Variants in ERC2 observed in about 807,000 individuals in gnomAD.
ERC2 encodes the protein ELKS/RAB6-interacting/CAST family member 2.
ERC2 carries 42 observed loss-of-function variants against 114.8 expected under a neutral mutation model. The observed-to-expected ratio is 0.37, with a 90% confidence interval of 0.29 to 0.47. ERC2 has a LOEUF of 0.47. Ranked by LOEUF, ERC2 falls within the 20% of genes least tolerant of loss-of-function variation. The pLI, the probability that ERC2 is intolerant of heterozygous loss-of-function variation, is 0.99. For synonymous variants in ERC2, 454 were observed against 425.5 expected (o/e 1.07, Z -0.82); for missense variants, 939 against 1,150.7 (o/e 0.82, Z 2.66).
intron 7 of ERC2, among the ~76,000 whole-genome samples, chr3:56,061,226 C>A (rs2076230382): frequency 6.6e-6 from 1 of 152,192 alleles, no homozygotes; most frequent in Admixed American, 6.5e-5. Flanking sequence ...GATGTCTGAG[C>A]AAATTAGTGC....
intron 3 of ERC2, among the ~76,000 whole-genome samples, chr3:56,217,072 A>C (rs757490629): frequency 6.6e-6 from 1 of 152,206 alleles, no homozygotes; most frequent in African/African-American, 2.4e-5. Flanking sequence ...TTCCCTTTTA[A>C]AACTGGCACA....
intron 14 of ERC2, among the ~76,000 whole-genome samples, chr3:55,750,505 G>C (rs762356148): frequency 6.6e-6 from 1 of 152,174 alleles, no homozygotes; most frequent in African/African-American, 2.4e-5. Context: ...TTGCAGGAAG[G>C]AAGAAATGTC....
At chr3:55,973,892 T>TA (rs2069366246) in intron 12 of ERC2, among the ~76,000 whole-genome samples, 1 of 152,170 alleles carries the variant, frequency 6.6e-6, no homozygotes, top group South Asian at 2.1e-4. Context: ...AAAAACAGCC[T>TA]AAAAATAGCA....
chr3:55,965,797 C>G (rs2068711403), intron 12 of ERC2, among the ~76,000 whole-genome samples: 2 of 152,200 alleles, frequency 1.3e-5, no homozygotes, highest in South Asian at 4.1e-4. Flanking sequence ...CTTCTCGTAA[C>G]TCAAACCTCT....
Position 56,296,147 on chromosome 3 carries a change from C to T in ERC2, c.946G>A (p.Gly316Ser). The T allele has an allele frequency of 6.2e-7, 1 of 1,614,010 alleles. No individual in the cohort carries two copies. The highest frequency in any genetic ancestry group is 8.5e-7 in the Non-Finnish European group (1 of 1,179,902). The change falls in exon 3 of 18, where the codon GGC becomes AGC. Residue 316 changes from glycine (G) to serine (S), a missense_variant. Coordinates refer to ENST00000288221, the MANE Select transcript of ERC2 (RefSeq NM_015576.3). ...KKLLEMLQSK[G>S]LPSKSLEDDN... ...TCCTCCAGGCTTTTGGATGGCAAGC[C>T]TTTACTTTGCAACATCTCAAGAAGT...
intron 2 of ERC2, among the ~76,000 whole-genome samples, chr3:56,302,064 A>T (rs946775537): frequency 2.6e-5 from 4 of 152,264 alleles, no homozygotes; most frequent in Non-Finnish European, 5.9e-5. Flanking sequence ...GAATAGGAAC[A>T]TTCAGAACTC....
intron 13 of ERC2, among the ~76,000 whole-genome samples, chr3:55,945,583 C>T (rs1283341154): frequency 6.6e-6 from 1 of 152,272 alleles, no homozygotes; most frequent in East Asian, 1.9e-4. Flanking sequence ...TTGTTTGTTA[C>T]ACTTCCTCTG....
intron 17 of ERC2, among the ~76,000 whole-genome samples, chr3:55,591,398 A>C (rs1167594065): frequency 2.0e-5 from 3 of 152,138 alleles, no homozygotes; most frequent in African/African-American, 7.2e-5. Flanking sequence ...ATCCTTGGAC[A>C]TTATGGGTGG....
chr3:56,048,215 G>C (rs913342664), intron 7 of ERC2, among the ~76,000 whole-genome samples: 1 of 152,162 alleles, frequency 6.6e-6, no homozygotes, highest in Admixed American at 6.5e-5. Flanking sequence ...TTAAACTCAG[G>C]AACAGAGGGG....
intron 14 of ERC2, among the ~76,000 whole-genome samples, chr3:55,814,662 G>A (rs1318883576): frequency 6.6e-6 from 1 of 152,208 alleles, no homozygotes; most frequent in African/African-American, 2.4e-5. Context: ...TAAGATATAT[G>A]TGGGGTGGTA....
At chr3:55,959,839 C>T (rs144281923) in intron 12 of ERC2, among the ~76,000 whole-genome samples, 336 of 152,300 alleles carry the variant, frequency 2.2e-3, no homozygotes, top group African/African-American at 7.7e-3. Context: ...CTATATGCTC[C>T]GGATTCCTGG....
At chr3:55,631,565 C>G (rs1267135784) in intron 17 of ERC2, among the ~76,000 whole-genome samples, 1 of 152,218 alleles carries the variant, frequency 6.6e-6, no homozygotes, top group Non-Finnish European at 1.5e-5. Context: ...ACAGTGTACA[C>G]TCAACTAAAC....
intron 17 of ERC2, among the ~76,000 whole-genome samples, chr3:55,671,323 A>G (rs138416028): frequency 6.6e-6 from 1 of 152,212 alleles, no homozygotes; most frequent in Non-Finnish European, 1.5e-5. Context: ...TTCAATAAAA[A>G]AATCTATGAA....
In ERC2 at chr3:56,004,778, A is replaced by G. The variant is rs183944136; in HGVS notation, c.2061+2403T>C. On this transcript the variant is annotated intron_variant, in intron 10 of 17. Transcript: ENST00000288221. Reference sequence around the variant, plus strand: ...GGTGTATTTATGACATAATAAAACTATTATGTTTTCAGCTTTCATTTAGTA... The same window carrying G: ...GGTGTATTTATGACATAATAAAACTGTTATGTTTTCAGCTTTCATTTAGTA... Among the ~76,000 whole-genome samples, 490 of 152,146 alleles carry G rather than the reference A, an allele frequency of 3.2e-3. 1 individual carries two copies. Among genetic ancestry groups the G allele is most frequent in the Non-Finnish European group, 3.2e-3 (218 of 67,936 alleles).
At chr3:55,604,565 G>A (rs1189311683) in intron 17 of ERC2, among the ~76,000 whole-genome samples, 1 of 152,158 alleles carries the variant, frequency 6.6e-6, no homozygotes, top group Non-Finnish European at 1.5e-5. Flanking sequence ...CACGGCACTG[G>A]GGGAGGGAGA....
At chr3:55,963,693 C>T (rs1283645568) in intron 12 of ERC2, among the ~76,000 whole-genome samples, 3 of 152,184 alleles carry the variant, frequency 2.0e-5, no homozygotes, top group South Asian at 2.1e-4. Context: ...TAAAAGCCTA[C>T]GACTCCACTG....
intron 15 of ERC2, among the ~76,000 whole-genome samples, chr3:55,706,804 A>T (rs815427): frequency 6.6e-6 from 1 of 151,840 alleles, no homozygotes; most frequent in Non-Finnish European, 1.5e-5. Context: ...GGACTAACAC[A>T]CCTGTGACTC....
intron 7 of ERC2, among the ~76,000 whole-genome samples, chr3:56,068,386 C>G (rs888433248): frequency 3.9e-5 from 6 of 152,076 alleles, no homozygotes; most frequent in Admixed American, 1.3e-4. Flanking sequence ...GTGGTGATAT[C>G]TCCTTTATCA....
At chr3:56,233,943 T>C (rs1490838156) in intron 3 of ERC2, among the ~76,000 whole-genome samples, 1 of 152,182 alleles carries the variant, frequency 6.6e-6, no homozygotes, top group African/African-American at 2.4e-5. Flanking sequence ...ACTTGTATAA[T>C]CTAGGATAGT....
Sources: gnomAD v4.1 joint callset for allele counts (sites outside exome capture counted in the v4.1 genomes callset) on GRCh38, gnomAD v4.1.1 for gene constraint, MANE v1.5 for transcripts, NCBI Gene and HGNC (gene_info 2026-07-23, HGNC 2026-07-21) for gene names.